The following TLL1 variants were observed in gnomAD, a reference collection of about 807,000 sequenced individuals.
The protein encoded by TLL1 is tolloid like 1.
TLL1 carries 49 observed loss-of-function variants against 128.2 expected under a neutral mutation model. The observed-to-expected ratio is 0.38, with a 90% CI of 0.30 to 0.48. The LOEUF is 0.48. TLL1 is among the 20% of genes least tolerant of loss of function. TLL1 has a pLI of 0.96. For missense variants in TLL1, 1,123 were observed against 1,242.0 expected (o/e 0.90, Z 1.44); for synonymous variants, 454 against 418.8 (o/e 1.08, Z -1.03).
intron 1 of TLL1, among the ~76,000 whole-genome samples, chr4:165,966,186 A>T (rs2110969193): frequency 6.6e-6 from 1 of 151,936 alleles, no homozygotes; most frequent in South Asian, 2.1e-4. Flanking sequence ...TCAAAAAAAA[A>T]AAAAAAAAAA....
chr4:166,052,545 A>C (rs1269349943), intron 12 of TLL1, among the ~76,000 whole-genome samples: 1 of 152,090 alleles, frequency 6.6e-6, no homozygotes, highest in Admixed American at 6.6e-5. Context: ...TCCACCTGCT[A>C]AGACCTCCCA....
At chr4:166,026,411 G>T (rs983794740) in intron 9 of TLL1, among the ~76,000 whole-genome samples, 1 of 152,004 alleles carries the variant, frequency 6.6e-6, no homozygotes, top group East Asian at 1.9e-4. Flanking sequence ...ACAAGGCCAG[G>T]TGCGGTGGCT....
At chr4:165,931,716 C>G (rs961253081) in intron 1 of TLL1, among the ~76,000 whole-genome samples, 1 of 66,198 alleles carries the variant, frequency 1.5e-5, no homozygotes, top group African/African-American at 5.4e-5. Flanking sequence ...AAGACTCTGT[C>G]TCAAAAGAAA....
intron 1 of TLL1, among the ~76,000 whole-genome samples, chr4:165,941,277 A>G (rs1733993578): frequency 6.6e-6 from 1 of 152,114 alleles, no homozygotes; most frequent in South Asian, 2.1e-4. Flanking sequence ...TCAGTTTATA[A>G]AAGAGAGACT....
chr4:165,988,235 A>C (rs1736474334), intron 1 of TLL1, among the ~76,000 whole-genome samples: 2 of 152,132 alleles, frequency 1.3e-5, no homozygotes, highest in South Asian at 4.1e-4. Context: ...TTCACATACT[A>C]GTTATCAATG....
At chr4:166,064,379 G>C (rs924470091) in intron 15 of TLL1, among the ~76,000 whole-genome samples, 1 of 152,024 alleles carries the variant, frequency 6.6e-6, no homozygotes, top group Admixed American at 6.6e-5. Context: ...AAGTCTAGAG[G>C]TCTGCATTCA....
intron 1 of TLL1, among the ~76,000 whole-genome samples, chr4:165,987,392 A>G (rs1250899222): frequency 1.3e-5 from 2 of 152,034 alleles, no homozygotes; most frequent in African/African-American, 2.4e-5. Context: ...GGCTTTAGGG[A>G]TGCTGGAGCA....
chr4:165,970,895 G>A (rs546031727), intron 1 of TLL1, among the ~76,000 whole-genome samples: 4 of 152,120 alleles, frequency 2.6e-5, no homozygotes, highest in Admixed American at 1.3e-4. Context: ...CACTATGTCT[G>A]TGATCTACCT....
intron 1 of TLL1, among the ~76,000 whole-genome samples, chr4:165,981,241 CCA>C (rs1331885251): frequency 6.6e-6 from 1 of 151,968 alleles, no homozygotes; most frequent in African/African-American, 2.4e-5. Flanking sequence ...CACTCACTCC[CCA>C]AGAGACAGTG....
intron 2 of TLL1, among the ~76,000 whole-genome samples, chr4:165,990,037 A>G (rs1736566436): frequency 6.6e-6 from 1 of 151,878 alleles, no homozygotes; most frequent in South Asian, 2.1e-4. Flanking sequence ...AAATTTATAT[A>G]TCTATATAAT....
chr4:165,957,024 A>G (rs1318069080), intron 1 of TLL1, among the ~76,000 whole-genome samples: 5 of 152,116 alleles, frequency 3.3e-5, no homozygotes, highest in African/African-American at 4.8e-5. Flanking sequence ...TTAAATGTAA[A>G]CAATCTAAAC....
intron 1 of TLL1, among the ~76,000 whole-genome samples, chr4:165,889,702 C>T (rs1232257316): frequency 1.3e-5 from 2 of 152,096 alleles, no homozygotes. Context: ...TCTTTTGATG[C>T]TTAGGTGATA....
intron 5 of TLL1, among the ~76,000 whole-genome samples, chr4:165,998,773 G>C (rs1254977517): frequency 6.6e-6 from 1 of 151,568 alleles, no homozygotes; most frequent in Admixed American, 6.6e-5. Context: ...CTCCAGCCTG[G>C]GGGACAGAGC....
chr4:166,067,430 C>T (rs80067315), intron 16 of TLL1, among the ~76,000 whole-genome samples: 3,697 of 151,632 alleles, frequency 0.024, 145 homozygotes, highest in African/African-American at 0.08. Flanking sequence ...GATATGCTTC[C>T]TTAATTGTTT....
intron 1 of TLL1, among the ~76,000 whole-genome samples, chr4:165,874,623 G>T (rs1342839444): frequency 1.3e-5 from 2 of 152,176 alleles, no homozygotes; most frequent in Non-Finnish European, 1.5e-5. Flanking sequence ...GACAATCTCG[G>T]AAGAACTCAC....
chr4:166,055,739 T>G (rs1739974699), intron 13 of TLL1, among the ~76,000 whole-genome samples: 1 of 152,188 alleles, frequency 6.6e-6, no homozygotes, highest in Non-Finnish European at 1.5e-5. Context: ...CAGATAATTA[T>G]CTCTGATCAG....
intron 1 of TLL1, among the ~76,000 whole-genome samples, chr4:165,978,117 T>C (rs1735973165): frequency 6.6e-6 from 1 of 152,170 alleles, no homozygotes; most frequent in African/African-American, 2.4e-5. Flanking sequence ...AGAAGCCTTA[T>C]TGCTTTCTGG....
At chr4:166,081,093 A>G (rs1276688272) in intron 18 of TLL1, among the ~76,000 whole-genome samples, 1 of 152,062 alleles carries the variant, frequency 6.6e-6, no homozygotes, top group African/African-American at 2.4e-5. Context: ...CTGTCTATAT[A>G]TCTTATGAGT....
chr4:166,006,729 G>A (rs1392491064), intron 6 of TLL1, among the ~76,000 whole-genome samples: 13 of 151,596 alleles, frequency 8.6e-5, no homozygotes, highest in Non-Finnish European at 1.8e-4. Context: ...TATAAGGTCT[G>A]GTTAGTTAAT....
Sources: allele counts gnomAD v4.1 joint callset (sites outside exome capture counted in the v4.1 genomes callset), GRCh38; gene constraint gnomAD v4.1.1; transcripts MANE v1.5; gene names NCBI Gene and HGNC (gene_info 2026-07-23, HGNC 2026-07-21).